Variants in GALK2 observed in about 807,000 individuals in gnomAD.
GALK2 encodes the protein N-acetylgalactosamine kinase.
GALK2 carries 36 observed loss-of-function variants against 52.4 expected under a neutral mutation model. That is an observed-to-expected ratio of 0.69 (90% CI 0.53 to 0.91). The LOEUF (loss-of-function observed/expected upper bound fraction) is 0.91, where lower values mean the gene tolerates loss of function less well. GALK2 is among the 40% of genes least tolerant of loss of function. GALK2 has a pLI of 0.00. For synonymous variants in GALK2, 176 were observed against 199.1 expected (o/e 0.88, Z 0.98); for missense variants, 579 against 559.1 (o/e 1.04, Z -0.36).
intron 9 of GALK2, among the ~76,000 whole-genome samples, chr15:49,322,226 TTC>T (rs2036935097): frequency 1.3e-5 from 2 of 152,240 alleles, no homozygotes; most frequent in African/African-American, 2.4e-5. Context: ...TGTATTTATT[TTC>T]TGAGAAAAAT....
At chr15:49,280,575 G>A (rs547391078) in intron 5 of GALK2, among the ~76,000 whole-genome samples, 75 of 152,256 alleles carry the variant, frequency 4.9e-4, no homozygotes, top group Non-Finnish European at 9.0e-4. Flanking sequence ...TGTAGAGTAT[G>A]AGCATTAAGG....
chr15:49,339,753 C>T (rs946683837), intron 3 of GALK2, among the ~76,000 whole-genome samples: 1 of 152,206 alleles, frequency 6.6e-6, no homozygotes, highest in Non-Finnish European at 1.5e-5. Context: ...TGCTCTGTCC[C>T]AGGTAGGTGG....
At chr15:49,169,358 G>A (rs569734382), upstream of GALK2, among the ~76,000 whole-genome samples, 8 of 152,022 alleles carry the variant, frequency 5.3e-5, no homozygotes, top group Admixed American at 3.9e-4. Flanking sequence ...ACTAGATTGA[G>A]AGTTAATAGA....
At chr15:49,293,493 C>G (rs973244194) in intron 8 of GALK2, among the ~76,000 whole-genome samples, 3 of 152,240 alleles carry the variant, frequency 2.0e-5, no homozygotes, top group African/African-American at 7.2e-5. Flanking sequence ...TACAACACGG[C>G]CATGTATTAG....
intron 3 of GALK2, among the ~76,000 whole-genome samples, chr15:49,345,017 A>G (rs111871460): frequency 1.5e-4 from 23 of 152,322 alleles, no homozygotes; most frequent in African/African-American, 5.5e-4. Context: ...GCATACAGCT[A>G]TTACCTGCTA....
intron 8 of GALK2, among the ~76,000 whole-genome samples, chr15:49,308,461 A>G (rs2035728149): frequency 6.6e-6 from 1 of 152,212 alleles, no homozygotes; most frequent in Non-Finnish European, 1.5e-5. Context: ...GTTATCTCAG[A>G]CCAGCATATT....
intron 1 of GALK2, among the ~76,000 whole-genome samples, chr15:49,194,528 G>A (rs919144402): frequency 6.6e-5 from 10 of 151,444 alleles, no homozygotes; most frequent in African/African-American, 2.4e-4. Context: ...TCTCAAAACA[G>A]GGTTTTTTTG....
At chr15:49,279,600 T>C (rs1390968328) in intron 5 of GALK2, among the ~76,000 whole-genome samples, 1 of 152,168 alleles carries the variant, frequency 6.6e-6, no homozygotes, top group Non-Finnish European at 1.5e-5. Flanking sequence ...TTGAAGGAGA[T>C]AATGCTTACA....
chr15:49,200,988 A>G (rs2087703539), intron 1 of GALK2, among the ~76,000 whole-genome samples, 174 bp from the exon 2 acceptor site: 1 of 151,822 alleles, frequency 6.6e-6, no homozygotes, highest in South Asian at 2.1e-4. Context: ...TTTTCAAGGA[A>G]GTATGTCACT....
intron 1 of GALK2, among the ~76,000 whole-genome samples, chr15:49,163,466 C>A (rs1018288649): frequency 6.6e-6 from 1 of 152,076 alleles, no homozygotes; most frequent in Non-Finnish European, 1.5e-5. Flanking sequence ...TTACCTCTTC[C>A]ATTTAGGTCT....
downstream of GALK2, among the ~76,000 whole-genome samples, chr15:49,336,254 T>C (rs935933047): frequency 2.6e-5 from 4 of 152,270 alleles, no homozygotes; most frequent in African/African-American, 9.6e-5. Context: ...TCCAAGTATG[T>C]TGCTAATGAA....
chr15:49,216,250 C>G (rs1309108303), intron 2 of GALK2, among the ~76,000 whole-genome samples: 1 of 152,108 alleles, frequency 6.6e-6, no homozygotes, highest in African/African-American at 2.4e-5. Flanking sequence ...CTTTAGTGAG[C>G]AGGTGAATCC....
intron 7 of GALK2, among the ~76,000 whole-genome samples, chr15:49,287,394 C>T (rs190043815): frequency 6.6e-6 from 1 of 152,206 alleles, no homozygotes; most frequent in South Asian, 2.1e-4. Flanking sequence ...ACTAAAATCC[C>T]AGGTTTTATA....
intron 2 of GALK2, among the ~76,000 whole-genome samples, chr15:49,208,420 T>C (rs2088508629): frequency 6.6e-6 from 1 of 152,240 alleles, no homozygotes; most frequent in African/African-American, 2.4e-5. Flanking sequence ...TCAATGCTCA[T>C]TTAGGAGCAG....
chr15:49,312,314 G>C (rs1182392648), intron 8 of GALK2, among the ~76,000 whole-genome samples: 1 of 152,236 alleles, frequency 6.6e-6, no homozygotes, highest in African/African-American at 2.4e-5. Flanking sequence ...AAAGCAGGTA[G>C]AAGAAGGGAG....
intron 1 of GALK2, among the ~76,000 whole-genome samples, chr15:49,159,631 G>A (rs1240144059): frequency 6.6e-6 from 1 of 151,768 alleles, no homozygotes; most frequent in East Asian, 1.9e-4. Context: ...GAAATTACAG[G>A]CTTGATTCTT....
At chr15:49,156,319 G>A in intron 1 of GALK2, 2 of 430,278 alleles carry the variant, frequency 4.6e-6, no homozygotes, top group South Asian at 4.3e-5. Context: ...GCATCATGTT[G>A]TAAGGAGATG....
intron 2 of GALK2, among the ~76,000 whole-genome samples, chr15:49,215,399 AG>A (rs1461017078): frequency 1.3e-5 from 2 of 152,154 alleles, no homozygotes; most frequent in Non-Finnish European, 2.9e-5. Context: ...TAGATCTTGT[AG>A]AGAGGCTTCA....
At chr15:49,308,832 GAA>G (rs996040557) in intron 8 of GALK2, among the ~76,000 whole-genome samples, 1 of 152,244 alleles carries the variant, frequency 6.6e-6, no homozygotes, top group Non-Finnish European at 1.5e-5. Context: ...GCTCTGGAGA[GAA>G]GACTCAAATA....
Sources: allele counts gnomAD v4.1 joint callset (sites outside exome capture counted in the v4.1 genomes callset), GRCh38; gene constraint gnomAD v4.1.1; transcripts MANE v1.5; gene names NCBI Gene and HGNC (gene_info 2026-07-23, HGNC 2026-07-21).